DGKB: variants seen among roughly 807,000 people sequenced by gnomAD.
DGKB encodes 90 kDa diacylglycerol kinase.
Under a neutral mutation model 114.3 loss-of-function variants are expected in DGKB, and 67 were observed. The ratio of observed to expected loss-of-function variants is 0.59; its 90% CI spans 0.48 to 0.72. The LOEUF is 0.72. Among genes scored for constraint, DGKB ranks in the 30% least tolerant of loss-of-function variants. DGKB has a pLI of 0.00. For missense variants in DGKB, 907 were observed against 975.2 expected (o/e 0.93, Z 0.93); for synonymous variants, 398 against 323.1 (o/e 1.23, Z -2.49).
chr7:14,628,629 C>T (rs1809091040), intron 14 of DGKB, among the ~76,000 whole-genome samples: 1 of 152,108 alleles, frequency 6.6e-6, no homozygotes. Flanking sequence ...ATATATCTTT[C>T]TATATGTTCT....
At chr7:14,155,352 G>C (rs1782851184) in intron 25 of DGKB, among the ~76,000 whole-genome samples, 1 of 152,076 alleles carries the variant, frequency 6.6e-6, no homozygotes, top group African/African-American at 2.4e-5. Context: ...AAACCTAACT[G>C]AGGTGCTTGT....
At chr7:14,474,647 CT>C (rs1355490998) in intron 21 of DGKB, among the ~76,000 whole-genome samples, 3 of 151,534 alleles carry the variant, frequency 2.0e-5, no homozygotes, top group Admixed American at 6.6e-5. Flanking sequence ...TATTAATATC[CT>C]TTTTTTCAAA....
chr7:14,161,974 G>A (rs1053296093), intron 25 of DGKB, among the ~76,000 whole-genome samples: 3 of 152,072 alleles, frequency 2.0e-5, no homozygotes, highest in Admixed American at 2.0e-4. Flanking sequence ...TTTAAAATTA[G>A]TATTCTATCC....
At position 14,418,392 on chromosome 7, in the gene DGKB, T is replaced by TATACAC. The variant is rs1554421158; in HGVS notation, c.1835+59768_1835+59769insGTGTAT. On this transcript the variant is annotated intron_variant, in intron 21 of 25. Transcript: ENST00000402815. Reference sequence around the variant, plus strand: ...GTGTGTATATATATATATATATATATACACACACACATATATTCATGTGAG... The same window carrying TATACAC: ...GTGTGTATATATATATATATATATATATACACACACACACACATATATTCATGTGAG... 2.8e-3 allele frequency among the ~76,000 whole-genome samples: 390 copies of TATACAC among 137,062 alleles called. 2 individuals are homozygous for TATACAC. The highest frequency in any genetic ancestry group is 0.013 in the South Asian group (61 of 4,576). The allele number at this position is 137,062 out of a possible 152,430, so 89.9% of individuals were successfully genotyped here.
At chr7:14,281,468 C>A (rs1198418565) in intron 23 of DGKB, among the ~76,000 whole-genome samples, 1 of 145,256 alleles carries the variant, frequency 6.9e-6, no homozygotes, top group Admixed American at 6.9e-5. Flanking sequence ...AGAAAGTCAA[C>A]AAGGATACCC....
At chr7:14,377,961 T>C (rs1383441091) in intron 21 of DGKB, among the ~76,000 whole-genome samples, 1 of 152,188 alleles carries the variant, frequency 6.6e-6, no homozygotes, top group East Asian at 1.9e-4. Context: ...GTCTTTCTAA[T>C]CCACAAAGGA....
At chr7:14,494,233 T>A (rs539464881) in intron 20 of DGKB, among the ~76,000 whole-genome samples, 1 of 152,174 alleles carries the variant, frequency 6.6e-6, no homozygotes, top group African/African-American at 2.4e-5. Flanking sequence ...ATATTTTCTA[T>A]GATATTAACT....
At chr7:14,575,319 C>G (rs1798964168) in intron 19 of DGKB, among the ~76,000 whole-genome samples, 1 of 152,096 alleles carries the variant, frequency 6.6e-6, no homozygotes. Context: ...CTTAACCCAG[C>G]CTGCAATAGA....
chr7:14,335,765 T>G (rs762031913), intron 23 of DGKB, among the ~76,000 whole-genome samples: 4 of 152,196 alleles, frequency 2.6e-5, no homozygotes, highest in Admixed American at 2.0e-4. Flanking sequence ...GTTTTGTTTT[T>G]TTTAAGAGAC....
At chr7:14,792,575 T>A (rs887563460) in intron 2 of DGKB, among the ~76,000 whole-genome samples, 1 of 152,120 alleles carries the variant, frequency 6.6e-6, no homozygotes, top group African/African-American at 2.4e-5. Context: ...AATATCTTCA[T>A]ACCTACAGTA....
chr7:14,266,841 C>A (rs1030143863), intron 23 of DGKB, among the ~76,000 whole-genome samples: 1 of 152,038 alleles, frequency 6.6e-6, no homozygotes, highest in Non-Finnish European at 1.5e-5. Flanking sequence ...ATTCTGTAAC[C>A]AATTTCTTTG....
At chr7:14,647,736 G>T (rs950612245) in intron 13 of DGKB, among the ~76,000 whole-genome samples, 6 of 152,208 alleles carry the variant, frequency 3.9e-5, no homozygotes, top group Non-Finnish European at 8.8e-5. Context: ...GAGGTACCGG[G>T]TTCATCTCAC....
chr7:14,838,238 A>G (rs561423096), intron 2 of DGKB, among the ~76,000 whole-genome samples: 11 of 152,324 alleles, frequency 7.2e-5, no homozygotes, highest in African/African-American at 2.6e-4. Context: ...AATACACTGA[A>G]GAATTTAGTA....
intron 23 of DGKB, among the ~76,000 whole-genome samples, chr7:14,334,360 A>G (rs866357597): frequency 6.8e-5 from 7 of 103,622 alleles, no homozygotes; most frequent in African/African-American, 2.7e-4. Flanking sequence ...ATGTATATAC[A>G]TATGTGTGTG....
chr7:14,615,823 G>T (rs954948089), intron 15 of DGKB, among the ~76,000 whole-genome samples: 3 of 151,534 alleles, frequency 2.0e-5, no homozygotes, highest in Non-Finnish European at 3.0e-5. Context: ...TAGTTAATTT[G>T]ATCTGTTTGA....
intron 14 of DGKB, among the ~76,000 whole-genome samples, chr7:14,626,297 G>A (rs897649563): frequency 1.3e-5 from 2 of 152,186 alleles, no homozygotes; most frequent in Admixed American, 1.3e-4. Flanking sequence ...ATGAGAAACT[G>A]GCAGCAGCAA....
At chr7:14,219,686 T>C (rs901773000) in intron 23 of DGKB, among the ~76,000 whole-genome samples, 1 of 151,800 alleles carries the variant, frequency 6.6e-6, no homozygotes, top group African/African-American at 2.4e-5. Context: ...TAAGTCTCTA[T>C]GAGATATATG....
intron 13 of DGKB, among the ~76,000 whole-genome samples, chr7:14,639,510 C>T (rs1039334913): frequency 2.6e-5 from 4 of 152,248 alleles, no homozygotes; most frequent in East Asian, 1.9e-4. Context: ...AGCTTGCAGC[C>T]GTCCCTAAGA....
At chr7:14,675,910 T>G (rs558169906) in intron 12 of DGKB, among the ~76,000 whole-genome samples, 2 of 152,214 alleles carry the variant, frequency 1.3e-5, no homozygotes, top group East Asian at 3.9e-4. Context: ...GAGGGCATCA[T>G]GTTAGGAGTA....
Sources: gnomAD v4.1 joint callset for allele counts (sites outside exome capture counted in the v4.1 genomes callset) on GRCh38, gnomAD v4.1.1 for gene constraint, MANE v1.5 for transcripts, NCBI Gene and HGNC (gene_info 2026-07-23, HGNC 2026-07-21) for gene names.